HSD17B12: variants seen among roughly 807,000 people sequenced by gnomAD.
The protein encoded by HSD17B12 is hydroxysteroid 17-beta dehydrogenase 12.
HSD17B12 carries 32 observed loss-of-function variants against 39.3 expected under a neutral mutation model. The observed-to-expected ratio is 0.81, with a 90% CI of 0.61 to 1.09. The LOEUF (loss-of-function observed/expected upper bound fraction) is 1.09, where lower values mean the gene tolerates loss of function less well. Among genes scored for constraint, HSD17B12 ranks in the 50% least tolerant of loss-of-function variants. HSD17B12 has a pLI of 0.00. For synonymous variants in HSD17B12, 150 were observed against 146.7 expected, an observed-to-expected ratio of 1.02 and a Z score of -0.16; for missense variants, 342 against 382.9, an observed-to-expected ratio of 0.89 and a Z score of 0.89.
the HSD17B12 span, among the ~76,000 whole-genome samples, chr11:43,626,849 C>T: frequency 2.0e-5 from 3 of 152,060 alleles, no homozygotes; most frequent in Admixed American, 2.0e-4. Flanking sequence ...AAAACAGGAA[C>T]TCCCACAAAA....
At chr11:43,769,022 C>T (rs1185583542) in intron 3 of HSD17B12, among the ~76,000 whole-genome samples, 2 of 152,232 alleles carry the variant, frequency 1.3e-5, no homozygotes, top group Non-Finnish European at 2.9e-5. Context: ...CAGCTGGCTT[C>T]ACCTCTCACC....
chr11:43,661,482 A>G, the HSD17B12 span, among the ~76,000 whole-genome samples: 1 of 152,196 alleles, frequency 6.6e-6, no homozygotes, highest in Admixed American at 6.5e-5. Flanking sequence ...GTGCAATTTA[A>G]CCCAGTAAGT....
intron 3 of HSD17B12, among the ~76,000 whole-genome samples, chr11:43,795,654 C>T (rs144895595): frequency 1.1e-3 from 160 of 152,172 alleles, no homozygotes; most frequent in Non-Finnish European, 1.9e-3. Flanking sequence ...TGTCTGCATG[C>T]GATGCATGGA....
At chr11:43,751,332 A>G (rs1255461641) in intron 2 of HSD17B12, among the ~76,000 whole-genome samples, 1 of 152,218 alleles carries the variant, frequency 6.6e-6, no homozygotes, top group African/African-American at 2.4e-5. Context: ...AGGCTAGTCC[A>G]TGACATCATT....
At chr11:43,685,642 T>C (rs1949791176) in intron 1 of HSD17B12, among the ~76,000 whole-genome samples, 1 of 152,342 alleles carries the variant, frequency 6.6e-6, no homozygotes, top group African/African-American at 2.4e-5. Context: ...TCATTATCTA[T>C]GGTTTCATAG....
the HSD17B12 span, among the ~76,000 whole-genome samples, chr11:43,619,475 C>T: frequency 1.3e-5 from 2 of 150,352 alleles, no homozygotes; most frequent in East Asian, 3.9e-4. Context: ...CTGAAACATC[C>T]ACCTCCCAGG....
chr11:43,808,258 A>G (rs1951037526), intron 4 of HSD17B12, among the ~76,000 whole-genome samples: 1 of 151,602 alleles, frequency 6.6e-6, no homozygotes, highest in African/African-American at 2.4e-5. Context: ...AGCCTGGTGT[A>G]GACAATCATG....
At chr11:43,785,598 G>A (rs1172812823) in intron 3 of HSD17B12, among the ~76,000 whole-genome samples, 1 of 152,194 alleles carries the variant, frequency 6.6e-6, no homozygotes, top group Admixed American at 6.5e-5. Context: ...GAAGTAGAAG[G>A]AAATCTGGCT....
the HSD17B12 span, among the ~76,000 whole-genome samples, chr11:43,622,842 C>G: frequency 2.6e-5 from 4 of 151,972 alleles, no homozygotes; most frequent in Non-Finnish European, 5.9e-5. Flanking sequence ...TATAAGAATA[C>G]ATAATCGAGG....
At chr11:43,849,028 C>T (rs993419280) in intron 9 of HSD17B12, among the ~76,000 whole-genome samples, 21 of 152,266 alleles carry the variant, frequency 1.4e-4, no homozygotes, top group Admixed American at 5.2e-4. Context: ...TCCAGCTGGG[C>T]ACAGTGACTC....
At chr11:43,631,857 G>A in the HSD17B12 span, among the ~76,000 whole-genome samples, 45 of 152,164 alleles carry the variant, frequency 3.0e-4, no homozygotes, top group East Asian at 7.9e-3. Flanking sequence ...GTTCTGAATC[G>A]CGGCTTCGGC....
At chr11:43,688,601 G>A (rs1949824024) in intron 1 of HSD17B12, among the ~76,000 whole-genome samples, 1 of 152,202 alleles carries the variant, frequency 6.6e-6, no homozygotes, top group African/African-American at 2.4e-5. Context: ...CCACCATTTA[G>A]TGAAGTTATT....
chr11:43,606,904 C>T, the HSD17B12 span, among the ~76,000 whole-genome samples: 1 of 152,256 alleles, frequency 6.6e-6, no homozygotes, highest in East Asian at 1.9e-4. Context: ...ACCTTTTCAG[C>T]ATGGCATTGG....
chr11:43,736,662 G>GGA (rs1453869111), intron 1 of HSD17B12, among the ~76,000 whole-genome samples: 83 of 152,262 alleles, frequency 5.5e-4, no homozygotes, highest in African/African-American at 1.9e-3. Context: ...AATATGATTA[G>GGA]GAGAACAAGT....
At chr11:43,797,202 G>A (rs575181567) in intron 3 of HSD17B12, among the ~76,000 whole-genome samples, 7 of 152,282 alleles carry the variant, frequency 4.6e-5, no homozygotes, top group East Asian at 3.9e-4. Flanking sequence ...TACCTCCTAC[G>A]AGGATTAATC....
At chr11:43,854,423 G>T in intron 9 of HSD17B12, 1 of 295,798 alleles carries the variant, frequency 3.4e-6, no homozygotes, top group Non-Finnish European at 6.3e-6. Context: ...GTGCTCTCTG[G>T]ATTATTTAAT....
chr11:43,812,821 C>T (rs934110044), intron 4 of HSD17B12, among the ~76,000 whole-genome samples: 3 of 152,116 alleles, frequency 2.0e-5, no homozygotes, highest in East Asian at 1.9e-4. Context: ...ATCAGAGACA[C>T]AGCTGAAGAC....
chr11:43,567,315 C>G, the HSD17B12 span, among the ~76,000 whole-genome samples: 2 of 152,124 alleles, frequency 1.3e-5, no homozygotes, highest in African/African-American at 4.8e-5. Context: ...GGGACCAGCC[C>G]CATAAGAACC....
rs1354369441 is a variant in HSD17B12, at chr11:43,798,366, A to T, written c.330A>T (p.Ala110=). ...CAAGAACCATTGCTGTTGACTTTGC[A>T]TCAGAAGATATTTATGATAAAATTA... is the stretch of plus-strand genomic sequence containing the variant. ...VETRTIAVDF[A]SEDIYDKIKT... is the part of the protein sequence containing the mutation. The change falls in exon 4 of 11, where the codon GCA becomes GCT. Residue 110 remains alanine, a synonymous_variant. Transcript: ENST00000278353. 1 of 1,612,604 alleles carries T rather than the reference A, an allele frequency of 6.2e-7. No individual in the cohort carries two copies. The highest frequency in any genetic ancestry group is 2.2e-5 in the East Asian group (1 of 44,796).
Sources: gnomAD v4.1 joint callset for allele counts (sites outside exome capture counted in the v4.1 genomes callset) on GRCh38, gnomAD v4.1.1 for gene constraint, MANE v1.5 for transcripts, NCBI Gene and HGNC (gene_info 2026-07-23, HGNC 2026-07-21) for gene names.